Variants in CDC25B observed in about 807,000 individuals in gnomAD.
The protein encoded by CDC25B is M-phase inducer phosphatase 2.
CDC25B carries 33 observed loss-of-function variants against 69.8 expected under a neutral mutation model. The ratio of observed to expected loss-of-function variants is 0.47; its 90% CI spans 0.36 to 0.63. The LOEUF (loss-of-function observed/expected upper bound fraction) is 0.63, where lower values mean the gene tolerates loss of function less well. Ranked by LOEUF, CDC25B falls within the 30% of genes least tolerant of loss-of-function variation. CDC25B has a pLI of 0.00. For synonymous variants in CDC25B, 341 were observed against 314.6 expected, an observed-to-expected ratio of 1.08 and a Z score of -0.89; for missense variants, 727 against 809.1, an observed-to-expected ratio of 0.90 and a Z score of 1.23.
intron 15 of CDC25B, 66 bp from the exon 16 acceptor site, chr20:3,804,755 T>TGGGGGG: frequency 1.5e-6 from 1 of 680,336 alleles, no homozygotes. Context: ...GGATGGGGGG[T>TGGGGGG]GGGAGGGTTG....
chr20:3,800,688 T>A, intron 5 of CDC25B, 55 bp from the exon 6 acceptor site: 2 of 1,600,508 alleles, frequency 1.2e-6, no homozygotes, highest in Non-Finnish European at 8.5e-7. Context: ...CCTGGGCTCG[T>A]GCCGGAGGAA....
intron 3 of CDC25B, among the ~76,000 whole-genome samples, chr20:3,799,981 T>C (rs1015183180): frequency 5.9e-5 from 9 of 152,108 alleles, no homozygotes; most frequent in African/African-American, 2.2e-4. Context: ...TGGTGCAGGC[T>C]GGCGAGACTG....
At chr20:3,795,804 G>T, upstream of CDC25B, 1 of 985,262 alleles carries the variant, frequency 1.0e-6, no homozygotes, top group African/African-American at 1.7e-5. Context: ...CGCCTGGAGC[G>T]AGCGAATCCT....
chr20:3,801,584 T>C (rs916514713), intron 8 of CDC25B, 138 bp from the exon 9 acceptor site: 1 of 1,020,606 alleles, frequency 9.8e-7, no homozygotes, highest in Non-Finnish European at 1.4e-6. Context: ...GAGGGCGGTT[T>C]GGGAGGTAGG....
Position 3,800,814 on chromosome 20 carries a change from G to A in CDC25B, c.531G>A (p.Lys177=), listed in dbSNP as rs1600398228. The A allele has an allele frequency of 2.5e-6, 4 of 1,613,372 alleles. No homozygotes were observed. The Admixed American group carries it at 5.0e-5, about 20-fold the overall frequency. ...TNSQAPDGRR[K]SEAGSGAASS... ...CCCAGGCGCCCGACGGCCGGAGGAA[G>A]AGCGAGGCGGGCAGTGGAGCTGCCA... Residue 177 remains lysine, a synonymous_variant, in exon 6 of 16, where the codon AAG becomes AAA. Coordinates refer to ENST00000245960, the MANE Select transcript of CDC25B (RefSeq NM_021873.4).
chr20:3,796,472 G>C lies in CDC25B; in HGVS notation c.-60G>C. Reference sequence around the variant, plus strand: ...CTCCCTCGGCCCAGCCAGCTGTGCCGGCGTTTGTTGGCTGCCCTGCGCCCG... The same window carrying C: ...CTCCCTCGGCCCAGCCAGCTGTGCCCGCGTTTGTTGGCTGCCCTGCGCCCG... On this transcript the variant is annotated 5_prime_UTR_variant, in exon 1 of 16. Transcript: ENST00000245960. 3 of 1,425,262 alleles carry C rather than the reference G, an allele frequency of 2.1e-6. No individual in the cohort carries two copies. The highest frequency in any genetic ancestry group is 1.4e-5 in the South Asian group (1 of 72,278). The allele number at this position is 1,425,262 out of a possible 1,614,324, so 88.3% of individuals were successfully genotyped here.
At position 3,801,977 on chromosome 20, in the gene CDC25B, C is replaced by T. The variant is rs1381090344; in HGVS notation, c.975C>T (p.Pro325=). 4 of 1,611,476 alleles carry T rather than the reference C, an allele frequency of 2.5e-6. No homozygotes were observed. The highest frequency in any genetic ancestry group is 1.3e-5 in the African/African-American group (1 of 74,924). The change falls in exon 10 of 16, where the codon CCC becomes CCT. Residue 325 remains proline, a synonymous_variant. Coordinates refer to ENST00000245960, the MANE Select transcript of CDC25B (RefSeq NM_021873.4). ...CQRLFRSPSM[P]CSVIRPILKR... ...GGCTCTTCCGCTCTCCGTCCATGCC[C>T]TGCAGCGTGATCCGGCCCATCCTCA...
At chr20:3,793,730 C>A (rs1190021576), upstream of CDC25B, among the ~76,000 whole-genome samples, 1 of 137,894 alleles carries the variant, frequency 7.3e-6, no homozygotes, top group Non-Finnish European at 1.6e-5. Context: ...GGTATATCTC[C>A]TAATGCTATC....
At chr20:3,795,367 C>CA (rs2089000745), upstream of CDC25B, among the ~76,000 whole-genome samples, 8 of 81,720 alleles carry the variant, frequency 9.8e-5, no homozygotes, top group African/African-American at 4.2e-4. Flanking sequence ...CCAAAAAAAA[C>CA]AAAACAAAAC....
At position 3,804,561 on chromosome 20, in the gene CDC25B, C is replaced by T. The variant is rs573174552; in HGVS notation, c.1491-8C>T. On this transcript the variant is annotated splice_region_variant and splice_polypyrimidine_tract_variant and intron_variant, in intron 14 of 15. Transcript: ENST00000245960. ...CACTCTGACCACACCCTGCCCATGACGCCCCAGGTGCCGTTTCATCAGGGA... is the reference window on the plus strand; with the variant it reads ...CACTCTGACCACACCCTGCCCATGATGCCCCAGGTGCCGTTTCATCAGGGA... The T allele has an allele frequency of 2.4e-5, 39 of 1,594,624 alleles. 1 individual carries two copies. Among genetic ancestry groups the T allele is most frequent in the South Asian group, 2.4e-4 (22 of 90,644 alleles).
chr20:3,801,468 G>T, intron 8 of CDC25B, 80 bp downstream of exon 8: 1 of 1,476,208 alleles, frequency 6.8e-7, no homozygotes, highest in Non-Finnish European at 9.1e-7. Flanking sequence ...AGCCCTTGTG[G>T]CAGGACCATG....
chr20:3,788,142 A>AAAAGAAAGAAAGAAAG (rs57004606), intron 1 of CDC25B, among the ~76,000 whole-genome samples: 14 of 150,096 alleles, frequency 9.3e-5, no homozygotes, highest in African/African-American at 2.0e-4. Context: ...ATCTCAAAAA[A>AAAAGAAAGAAAGAAAG]AAAGAAAGAA....
intron 3 of CDC25B, among the ~76,000 whole-genome samples, chr20:3,799,034 T>G (rs990017282): frequency 2.0e-5 from 3 of 152,164 alleles, no homozygotes; most frequent in African/African-American, 7.2e-5. Context: ...GACCATCCCC[T>G]TGGCTGTGGG....
At chr20:3,801,508 G>A in intron 8 of CDC25B, 120 bp downstream of exon 8, 1 of 1,288,424 alleles carries the variant, frequency 7.8e-7, no homozygotes, top group Non-Finnish European at 1.1e-6. Flanking sequence ...AGAAGAATCT[G>A]AGGTAACTGA....
At chr20:3,791,848 T>G (rs1270504598), upstream of CDC25B, among the ~76,000 whole-genome samples, 1 of 152,256 alleles carries the variant, frequency 6.6e-6, no homozygotes. Flanking sequence ...TATATTGTTA[T>G]GGTACTAATA....
chr20:3,801,689 G>C, intron 8 of CDC25B, 33 bp from the exon 9 acceptor site: 1 of 1,537,412 alleles, frequency 6.5e-7, no homozygotes, highest in Middle Eastern at 1.7e-4. Flanking sequence ...ATGCCTGTGG[G>C]TTGTGACCCT....
exon 1 of CDC25B, chr20:3,787,064 C>A: frequency 5.1e-6 from 3 of 586,578 alleles, no homozygotes; most frequent in Non-Finnish European, 6.0e-6. Flanking sequence ...AAAAATAACG[C>A]ACTTTTTTTT....
Position 3,801,024 on chromosome 20 carries a change from T to C in CDC25B, c.636T>C (p.His212=), listed in dbSNP as rs1281547803. 9 of 1,614,000 alleles carry C rather than the reference T, an allele frequency of 5.6e-6. No individual in the cohort carries two copies. In the African/African-American group the frequency reaches 1.1e-4, roughly 19 times the overall value. ...PWKPTHPSST[H]ALAEWASRRE... Reference sequence around the variant, plus strand: ...AGCCCACACATCCCAGCTCCACCCATGCTCTGGCAGAGTGGGCCAGCCGCA... The same window carrying C: ...AGCCCACACATCCCAGCTCCACCCACGCTCTGGCAGAGTGGGCCAGCCGCA... Residue 212 remains histidine (H), a synonymous_variant, in exon 7 of 16, where the codon CAT becomes CAC. Coordinates refer to ENST00000245960, the MANE Select transcript of CDC25B (RefSeq NM_021873.4).
chr20:3,796,847 C>A (rs2146668967), intron 1 of CDC25B, 116 bp downstream of exon 1: 1 of 1,342,274 alleles, frequency 7.5e-7, no homozygotes, highest in Non-Finnish European at 9.9e-7. Context: ...GGGGAGGCAT[C>A]CTGAGCAGTG....
Sources: gnomAD v4.1 joint callset for allele counts (sites outside exome capture counted in the v4.1 genomes callset) on GRCh38, gnomAD v4.1.1 for gene constraint, MANE v1.5 for transcripts, NCBI Gene and HGNC (gene_info 2026-07-23, HGNC 2026-07-21) for gene names.